EYS: variants seen among roughly 807,000 people sequenced by gnomAD.
EYS encodes the protein EGF-like photoreceptor maintenance factor.
EYS carries 250 observed loss-of-function variants against 282.1 expected under a neutral mutation model. That is an observed-to-expected ratio of 0.89 (90% CI 0.80 to 0.98). The LOEUF (loss-of-function observed/expected upper bound fraction) is 0.98. Among genes scored for constraint, EYS ranks in the 50% least tolerant of loss-of-function variants. EYS has a pLI of 0.00. For synonymous variants in EYS, 1,355 were observed against 1,282.9 expected (o/e 1.06, Z -1.20); for missense variants, 4,016 against 3,709.0 (o/e 1.08, Z -2.15).
chr6:63,738,270 G>A (rs368925858), intron 41 of EYS, among the ~76,000 whole-genome samples: 2 of 152,016 alleles, frequency 1.3e-5, no homozygotes, highest in African/African-American at 2.4e-5. Context: ...TCATGCTGCT[G>A]TAAAGACACA....
intron 30 of EYS, among the ~76,000 whole-genome samples, chr6:64,295,236 T>C (rs1768877959): frequency 6.8e-6 from 1 of 146,940 alleles, no homozygotes; most frequent in Non-Finnish European, 1.5e-5. Context: ...ATTAGCCGTT[T>C]TTTTAGTTAA....
intron 12 of EYS, among the ~76,000 whole-genome samples, chr6:65,207,701 A>C (rs997160600): frequency 1.3e-5 from 2 of 151,820 alleles, no homozygotes; most frequent in African/African-American, 4.8e-5. Context: ...AGAAAAGTGT[A>C]GACAACCTAA....
At chr6:65,384,328 A>G (rs1305312689) in intron 8 of EYS, 58 bp downstream of exon 8, 23 of 893,728 alleles carry the variant, frequency 2.6e-5, no homozygotes, top group Non-Finnish European at 4.1e-5. Flanking sequence ...ATATAGACTA[A>G]CTGAGTCTAT....
intron 1 of EYS, among the ~76,000 whole-genome samples, chr6:65,658,373 C>T (rs932697975): frequency 6.6e-6 from 1 of 151,636 alleles, no homozygotes; most frequent in Non-Finnish European, 1.5e-5. Flanking sequence ...AATATCAGTT[C>T]ATTAGTTGCA....
intron 39 of EYS, among the ~76,000 whole-genome samples, chr6:63,779,786 A>G (rs1770165132): frequency 6.7e-6 from 1 of 149,876 alleles, no homozygotes; most frequent in African/African-American, 2.5e-5. Context: ...TCTAGGGTAC[A>G]TGTGCATACC....
chr6:65,316,642 C>G (rs1033617264), intron 11 of EYS, among the ~76,000 whole-genome samples: 1 of 151,662 alleles, frequency 6.6e-6, no homozygotes, highest in South Asian at 2.1e-4. Flanking sequence ...CCCCTCTCCC[C>G]CTGGCAGGCC....
chr6:64,799,196 T>C (rs12215142), intron 22 of EYS, among the ~76,000 whole-genome samples: 15,637 of 151,944 alleles, frequency 0.1, 1,120 homozygotes, highest in South Asian at 0.22. Context: ...TTACCTCTAC[T>C]ACTTTTTTTT....
intron 26 of EYS, among the ~76,000 whole-genome samples, chr6:64,569,505 GC>G (rs1242641222): frequency 1.3e-5 from 2 of 152,084 alleles, no homozygotes; most frequent in Non-Finnish European, 2.9e-5. Context: ...ACTTTGGGAG[GC>G]GGAGGTGGGG....
intron 29 of EYS, among the ~76,000 whole-genome samples, chr6:64,330,242 A>T (rs1770589175): frequency 6.6e-6 from 1 of 152,214 alleles, no homozygotes. Flanking sequence ...TGGCTTTAAC[A>T]TCTCTCAAGG....
chr6:65,672,240 C>G lies in EYS; in HGVS notation c.-447-32348G>C, dbSNP rs1233881317. On this transcript the variant is annotated intron_variant, in intron 1 of 42. Coordinates refer to ENST00000503581, the MANE Select transcript of EYS (RefSeq NM_001142800.2). Reference sequence around the variant, plus strand: ...AAAAACTGGTTGTTTACTTGCTAGTCTCAGAGCACTAAAGGGAGCTGGCAT... The same window carrying G: ...AAAAACTGGTTGTTTACTTGCTAGTGTCAGAGCACTAAAGGGAGCTGGCAT... Among the ~76,000 whole-genome samples the G allele has an allele frequency of 3.3e-5, 5 of 152,178 alleles. No homozygotes were observed. The East Asian group carries it at 9.7e-4, about 30-fold the overall frequency.
Position 64,591,360 on chromosome 6 carries a change from T to C in EYS, c.4507A>G (p.Lys1503Glu). 1 of 1,551,328 alleles carries C rather than the reference T, an allele frequency of 6.4e-7. No individual in the cohort carries two copies. The highest frequency in any genetic ancestry group is 8.7e-7 in the Non-Finnish European group (1 of 1,146,766). The change falls in exon 26 of 43, where the codon AAA becomes GAA. Residue 1503 changes from lysine to glutamate, a missense_variant. Lys to Glu is a moderately conservative substitution (Grantham distance 56). Transcript: ENST00000503581. ...PIFPAKVIIS[K>E]QVTILNSSAL... is the part of the protein sequence containing the mutation. ...GATGAGTTTAAGATGGTTACCTGTT[T>C]AGATATAATTACCTTAGCAGGAAAA...
At chr6:65,093,581 T>G (rs1774636261) in intron 12 of EYS, among the ~76,000 whole-genome samples, 1 of 151,822 alleles carries the variant, frequency 6.6e-6, no homozygotes, top group Admixed American at 6.6e-5. Context: ...TAAAATAGAC[T>G]GCTGTAAGAC....
chr6:65,301,870 G>A (rs1251816198), intron 11 of EYS, among the ~76,000 whole-genome samples: 1 of 152,238 alleles, frequency 6.6e-6, no homozygotes. Flanking sequence ...TGAGAAGGAG[G>A]CTGTGGAACT....
chr6:64,028,965 C>T (rs1343380936), intron 33 of EYS, among the ~76,000 whole-genome samples: 1 of 152,184 alleles, frequency 6.6e-6, no homozygotes, highest in Non-Finnish European at 1.5e-5. Flanking sequence ...GGCTTATCCT[C>T]ACCCTAAGAC....
chr6:65,475,637 T>C (rs2127247970), intron 5 of EYS, among the ~76,000 whole-genome samples: 1 of 152,162 alleles, frequency 6.6e-6, no homozygotes, highest in African/African-American at 2.4e-5. Flanking sequence ...AAGTCATTGG[T>C]CAATAACTGT....
chr6:64,763,079 C>T (rs964474946), intron 22 of EYS, among the ~76,000 whole-genome samples: 9 of 151,852 alleles, frequency 5.9e-5, no homozygotes, highest in African/African-American at 2.2e-4. Context: ...CATTCTTTAA[C>T]AAACCTTCAG....
At chr6:64,175,212 T>C (rs1428306102) in intron 31 of EYS, among the ~76,000 whole-genome samples, 1 of 152,204 alleles carries the variant, frequency 6.6e-6, no homozygotes, top group Non-Finnish European at 1.5e-5. Context: ...TCAATATTTC[T>C]ATGCCTCTAT....
intron 2 of EYS, among the ~76,000 whole-genome samples, chr6:65,546,024 G>T (rs972710): frequency 0.74 from 111,379 of 150,054 alleles, 41,973 homozygotes; most frequent in African/African-American, 0.88. Context: ...ACTTTTTTTT[G>T]TTGTTTTTTT....
chr6:65,434,465 C>A (rs866071265), intron 5 of EYS, among the ~76,000 whole-genome samples: 1 of 151,906 alleles, frequency 6.6e-6, no homozygotes, highest in African/African-American at 2.4e-5. Flanking sequence ...GGACTACAGG[C>A]GCCCGCCACC....
Sources: allele counts gnomAD v4.1 joint callset (sites outside exome capture counted in the v4.1 genomes callset), GRCh38; gene constraint gnomAD v4.1.1; transcripts MANE v1.5; gene names NCBI Gene and HGNC (gene_info 2026-07-23, HGNC 2026-07-21).